Variants in SLC44A3 observed in about 807,000 individuals in gnomAD.
SLC44A3 encodes the protein choline transporter-like protein 3.
SLC44A3 carries 74 observed loss-of-function variants against 75.4 expected under a neutral mutation model. The observed-to-expected ratio is 0.98, with a 90% CI of 0.81 to 1.19. The LOEUF is 1.19. Ranked by LOEUF, SLC44A3 falls within the 50% of genes most tolerant of loss-of-function variation. The probability of loss-of-function intolerance (pLI) is 0.00; values close to 1 mark genes in which losing one functional copy is unlikely to be tolerated. For missense variants in SLC44A3, 700 were observed against 778.6 expected (o/e 0.90, Z 1.20); for synonymous variants, 310 against 296.9 (o/e 1.04, Z -0.45).
intron 3 of SLC44A3, among the ~76,000 whole-genome samples, chr1:94,826,785 G>C (rs1661410499): frequency 6.6e-6 from 1 of 152,086 alleles, no homozygotes; most frequent in African/African-American, 2.4e-5. Context: ...TCCCCAACAG[G>C]AGGGAAAAAA....
chr1:94,863,505 C>A (rs777551494), intron 10 of SLC44A3, among the ~76,000 whole-genome samples: 62 of 152,064 alleles, frequency 4.1e-4, no homozygotes, highest in Non-Finnish European at 7.1e-4. Flanking sequence ...GCACACAAAT[C>A]TCCTCAATGG....
At chr1:94,860,723 A>G (rs1666467789) in intron 10 of SLC44A3, among the ~76,000 whole-genome samples, 1 of 152,242 alleles carries the variant, frequency 6.6e-6, no homozygotes, top group African/African-American at 2.4e-5. Flanking sequence ...AGTCAAGGGT[A>G]AAGAAGAACA....
intron 10 of SLC44A3, among the ~76,000 whole-genome samples, chr1:94,862,085 C>G (rs533697003): frequency 2.0e-5 from 3 of 152,182 alleles, no homozygotes; most frequent in African/African-American, 7.2e-5. Context: ...CTAAAGAATC[C>G]TCTTCTTTCT....
intron 6 of SLC44A3, 136 bp from the exon 7 acceptor site, chr1:94,839,812 A>T: frequency 1.4e-6 from 1 of 695,016 alleles, no homozygotes; most frequent in Non-Finnish European, 2.6e-6. Flanking sequence ...TGTTTAGTAG[A>T]TATCCCAAGA....
intron 5 of SLC44A3, among the ~76,000 whole-genome samples, chr1:94,833,583 C>T (rs1331581344): frequency 6.6e-6 from 1 of 152,162 alleles, no homozygotes; most frequent in Non-Finnish European, 1.5e-5. Context: ...GCCCTGGGGG[C>T]TCTTAACTCC....
chr1:94,837,800 C>A lies in SLC44A3; in HGVS notation c.599C>A (p.Thr200Asn). The change falls in exon 6 of 15, where the codon ACC (threonine) becomes AAC (asparagine). Residue 200 changes from threonine to asparagine, a missense_variant. Thr to Asn is a moderately conservative substitution (Grantham distance 65, BLOSUM62 0). Transcript: ENST00000271227. ...TCTGTTTTGATAAATGATGTTGACA[C>A]CCTCCACCGAATTCTAAGTGGAATC... ...FASVLINDVDTLHRILSGIMS... is the reference protein window; with the variant it reads ...FASVLINDVDNLHRILSGIMS... 6.2e-7 allele frequency: 1 copy of A among 1,612,982 alleles called. No homozygotes were observed. Among genetic ancestry groups the A allele is most frequent in the South Asian group, 1.1e-5 (1 of 90,838 alleles).
chr1:94,851,188 T>C (rs1172251902), intron 9 of SLC44A3, among the ~76,000 whole-genome samples: 1 of 152,234 alleles, frequency 6.6e-6, no homozygotes, highest in Non-Finnish European at 1.5e-5. Context: ...ATTATTATTC[T>C]TGGAAAATCT....
intron 10 of SLC44A3, among the ~76,000 whole-genome samples, chr1:94,861,422 G>C (rs1409131686): frequency 6.6e-6 from 1 of 152,184 alleles, no homozygotes; most frequent in African/African-American, 2.4e-5. Context: ...CTCAGGGAGA[G>C]AGAATTATGA....
chr1:94,836,159 T>C (rs1662754326), intron 5 of SLC44A3, among the ~76,000 whole-genome samples: 1 of 152,248 alleles, frequency 6.6e-6, no homozygotes, highest in African/African-American at 2.4e-5. Context: ...TCTTATACAT[T>C]GCACAAAATG....
chr1:94,820,758 T>G, intron 1 of SLC44A3, 191 bp from the exon 2 acceptor site: 2 of 1,398,440 alleles, frequency 1.4e-6, no homozygotes, highest in Non-Finnish European at 1.9e-6. Flanking sequence ...TAACATCCGC[T>G]CCGCGCAGAG....
intron 8 of SLC44A3, 74 bp from the exon 9 acceptor site, chr1:94,845,204 A>C: frequency 7.1e-7 from 1 of 1,412,158 alleles, no homozygotes; most frequent in Non-Finnish European, 9.6e-7. Flanking sequence ...TCATAATAAT[A>C]GTAGGGCTTG....
chr1:94,870,989 G>C (rs1352507570), intron 12 of SLC44A3, among the ~76,000 whole-genome samples: 1 of 152,210 alleles, frequency 6.6e-6, no homozygotes, highest in Non-Finnish European at 1.5e-5. Flanking sequence ...CCAGTTGTTA[G>C]TTTTTGAGAT....
chr1:94,834,345 A>G (rs941161402), intron 5 of SLC44A3, among the ~76,000 whole-genome samples: 1 of 152,266 alleles, frequency 6.6e-6, no homozygotes, highest in Admixed American at 6.5e-5. Context: ...AAGGACACAG[A>G]TGACTCGTAG....
intron 1 of SLC44A3, 88 bp from the exon 2 acceptor site, chr1:94,820,861 G>A: frequency 2.2e-6 from 3 of 1,343,886 alleles, no homozygotes. Context: ...TGGTTACTTT[G>A]GCCCCTCTTC....
intron 12 of SLC44A3, among the ~76,000 whole-genome samples, chr1:94,872,976 T>C (rs554978823): frequency 1.3e-5 from 2 of 152,348 alleles, no homozygotes; most frequent in African/African-American, 2.4e-5. Context: ...TGGAATCTTG[T>C]AGAGTTGTCT....
Position 94,867,364 on chromosome 1 carries a change from T to C in SLC44A3, c.1429T>C (p.Cys477Arg), listed in dbSNP as rs754583417. Residue 477 changes from cysteine (C) to arginine (R), a missense_variant, in exon 12 of 15, where the codon TGC becomes CGC. Coordinates refer to ENST00000271227, the MANE Select transcript of SLC44A3 (RefSeq NM_001114106.3). ...HGALSRYLFR[C>R]CYCCFWCLDK... ...TGCATTGTCCAGGTACCTGTTCCGA[T>C]GCTGCTACTGCTGTTTCTGGTGTCT... 8 of 1,603,524 alleles carry C rather than the reference T, an allele frequency of 5.0e-6. No homozygotes were observed. In the Admixed American group the frequency reaches 5.1e-5, roughly 10 times the overall value.
intron 1 of SLC44A3, chr1:94,820,699 G>C: frequency 7.2e-7 from 1 of 1,382,876 alleles, no homozygotes; most frequent in Non-Finnish European, 9.3e-7. Flanking sequence ...CGCAAACTTG[G>C]GGTCGTCCTC....
chr1:94,860,774 C>T (rs1362358768), intron 10 of SLC44A3, among the ~76,000 whole-genome samples: 2 of 152,218 alleles, frequency 1.3e-5, no homozygotes, highest in Non-Finnish European at 2.9e-5. Context: ...CTGCCCTCAT[C>T]CTTTCTAGCA....
chr1:94,823,286 G>C (rs541324588), intron 2 of SLC44A3, among the ~76,000 whole-genome samples: 1 of 152,312 alleles, frequency 6.6e-6, no homozygotes, highest in Admixed American at 6.5e-5. Context: ...CAGTCAGCTT[G>C]CCATGCCAGC....
Sources: gnomAD v4.1 joint callset for allele counts (sites outside exome capture counted in the v4.1 genomes callset) on GRCh38, gnomAD v4.1.1 for gene constraint, MANE v1.5 for transcripts, NCBI Gene and HGNC (gene_info 2026-07-23, HGNC 2026-07-21) for gene names.